The following GRM1 variants were observed in gnomAD, a reference collection of about 807,000 sequenced individuals.
GRM1 encodes the protein glutamate metabotropic receptor 1, also known as metabotropic glutamate receptor 1.
In GRM1, 33 loss-of-function variants were observed where a neutral mutation model predicts 90.9. The observed-to-expected ratio is 0.36, with a 90% CI of 0.28 to 0.49. GRM1 has a LOEUF of 0.49. Among genes scored for constraint, GRM1 ranks in the 20% least tolerant of loss-of-function variants. The pLI is 0.99. For missense variants in GRM1, 1,190 were observed against 1,534.3 expected, an observed-to-expected ratio of 0.78 and a Z score of 3.75; for synonymous variants, 700 against 613.2, an observed-to-expected ratio of 1.14 and a Z score of -2.09.
At chr6:146,430,057 G>T (rs1360899977) in intron 7 of GRM1, among the ~76,000 whole-genome samples, 3 of 152,176 alleles carry the variant, frequency 2.0e-5, no homozygotes, top group Non-Finnish European at 4.4e-5. Context: ...AACCTCTCTG[G>T]ATCAGAGAAC....
intron 7 of GRM1, among the ~76,000 whole-genome samples, chr6:146,406,855 A>G (rs866209126): frequency 5.9e-5 from 9 of 152,052 alleles, no homozygotes; most frequent in African/African-American, 2.2e-4. Flanking sequence ...ACAAACAACA[A>G]CAACAAAAAG....
At chr6:146,073,135 C>T (rs548856985) in intron 1 of GRM1, among the ~76,000 whole-genome samples, 11 of 151,998 alleles carry the variant, frequency 7.2e-5, no homozygotes, top group Non-Finnish European at 1.5e-4. Context: ...ATTATAATAA[C>T]ATATCTCAGG....
chr6:146,130,085 A>G (rs946651107), intron 1 of GRM1, among the ~76,000 whole-genome samples: 4 of 152,106 alleles, frequency 2.6e-5, no homozygotes, highest in Non-Finnish European at 5.9e-5. Flanking sequence ...TAAGATGATT[A>G]GTGTAATTGG....
intron 2 of GRM1, among the ~76,000 whole-genome samples, chr6:146,203,312 T>C (rs1414824325): frequency 6.6e-6 from 1 of 152,136 alleles, no homozygotes; most frequent in Non-Finnish European, 1.5e-5. Flanking sequence ...GATGAAGGGG[T>C]TACTGCCATT....
intron 2 of GRM1, among the ~76,000 whole-genome samples, chr6:146,282,501 G>T (rs534679508): frequency 6.6e-6 from 1 of 151,644 alleles, no homozygotes; most frequent in African/African-American, 2.4e-5. Flanking sequence ...ATGAAGGAAG[G>T]AAGGCATTAG....
intron 4 of GRM1, among the ~76,000 whole-genome samples, chr6:146,356,434 C>A (rs777900500): frequency 6.6e-6 from 1 of 152,054 alleles, no homozygotes. Context: ...GGCTAGAAAG[C>A]TTTTTAAGGC....
At chr6:146,208,923 A>C (rs960733349) in intron 2 of GRM1, among the ~76,000 whole-genome samples, 3 of 152,146 alleles carry the variant, frequency 2.0e-5, no homozygotes, top group Non-Finnish European at 4.4e-5. Context: ...AATTTTGAAA[A>C]TCTGTAAAAA....
At chr6:146,294,399 T>A (rs2328739) in intron 2 of GRM1, among the ~76,000 whole-genome samples, 14,444 of 151,994 alleles carry the variant, frequency 0.095, 1,818 homozygotes, top group African/African-American at 0.28. Context: ...TTGGTTTTTT[T>A]AAAAAAAGAT....
chr6:146,374,971 A>C (rs1486922994), intron 5 of GRM1, among the ~76,000 whole-genome samples: 1 of 151,776 alleles, frequency 6.6e-6, no homozygotes, highest in Non-Finnish European at 1.5e-5. Context: ...GTTCATTTAA[A>C]GTTTTTTTCT....
At chr6:146,248,504 G>A (rs60490897) in intron 2 of GRM1, among the ~76,000 whole-genome samples, 2,934 of 152,278 alleles carry the variant, frequency 0.019, 38 homozygotes, top group Admixed American at 0.028. Context: ...CTGCTGCCAT[G>A]TAAAGAAGGT....
intron 2 of GRM1, among the ~76,000 whole-genome samples, chr6:146,300,138 T>A (rs1212501977): frequency 1.3e-5 from 2 of 152,230 alleles, no homozygotes; most frequent in African/African-American, 4.8e-5. Context: ...TAAAGAATTA[T>A]AATTTTATTA....
chr6:146,260,970 G>T (rs1450272217), intron 2 of GRM1, among the ~76,000 whole-genome samples: 1 of 151,630 alleles, frequency 6.6e-6, no homozygotes, highest in Non-Finnish European at 1.5e-5. Context: ...GCAAAAGCCG[G>T]GGTAGAGACA....
At chr6:146,397,473 CAAAAAAAAAAGAAA>C (rs1343835354) in intron 6 of GRM1, among the ~76,000 whole-genome samples, 4 of 16,762 alleles carry the variant, frequency 2.4e-4, no homozygotes, top group Admixed American at 6.8e-4. Context: ...GACCCCGTCT[CAAAAAAAAAAGAAA>C]AAAAAAAAAA....
chr6:146,174,738 G>A (rs926141796), intron 2 of GRM1, among the ~76,000 whole-genome samples: 2 of 152,188 alleles, frequency 1.3e-5, no homozygotes, highest in African/African-American at 4.8e-5. Context: ...TTTAAAGAGA[G>A]GAAAGTCTTG....
At chr6:146,184,844 G>C (rs1185111369) in intron 2 of GRM1, among the ~76,000 whole-genome samples, 10 of 152,138 alleles carry the variant, frequency 6.6e-5, no homozygotes. Flanking sequence ...AAAGGAATGT[G>C]TCAGAGTATT....
chr6:146,152,107 A>G (rs1237801320), intron 1 of GRM1, among the ~76,000 whole-genome samples: 2 of 152,178 alleles, frequency 1.3e-5, no homozygotes, highest in Non-Finnish European at 2.9e-5. Flanking sequence ...ATCTTCTACA[A>G]TGCAGCAACA....
intron 2 of GRM1, among the ~76,000 whole-genome samples, chr6:146,199,012 G>A (rs1779213259): frequency 6.6e-6 from 1 of 152,078 alleles, no homozygotes; most frequent in Admixed American, 6.6e-5. Flanking sequence ...CTCTTCCATG[G>A]CCTCTATTAT....
chr6:146,241,023 G>T (rs1469662441), intron 2 of GRM1, among the ~76,000 whole-genome samples: 1 of 152,066 alleles, frequency 6.6e-6, no homozygotes, highest in East Asian at 1.9e-4. Flanking sequence ...GGGTCTACTT[G>T]CCAGGGATGC....
At chr6:146,209,026 TATC>T (rs1189780235) in intron 2 of GRM1, among the ~76,000 whole-genome samples, 2 of 152,120 alleles carry the variant, frequency 1.3e-5, no homozygotes, top group Non-Finnish European at 2.9e-5. Flanking sequence ...TACAAAACGA[TATC>T]ATATTTATTA....
Sources: gnomAD v4.1 joint callset for allele counts (sites outside exome capture counted in the v4.1 genomes callset) on GRCh38, gnomAD v4.1.1 for gene constraint, MANE v1.5 for transcripts, NCBI Gene and HGNC (gene_info 2026-07-23, HGNC 2026-07-21) for gene names.